The following TLL2 variants were observed in gnomAD, a reference collection of about 807,000 sequenced individuals.
The protein encoded by TLL2 is tolloid-like protein 2.
Under a neutral mutation model 123.0 loss-of-function variants are expected in TLL2, and 106 were observed. That is an observed-to-expected ratio of 0.86 (90% CI 0.74 to 1.01). The LOEUF is 1.01. Ranked by LOEUF, TLL2 falls within the 50% of genes least tolerant of loss-of-function variation. TLL2 has a pLI of 0.00. For synonymous variants in TLL2, 494 were observed against 516.8 expected (o/e 0.96, Z 0.60); for missense variants, 1,332 against 1,336.7 (o/e 1.00, Z 0.06).
rs527333345 is a variant in TLL2, at chr10:96,407,889, G to C, written c.1164+2470C>G. Among the ~76,000 whole-genome samples, 63 of 152,360 alleles carry C rather than the reference G, an allele frequency of 4.1e-4. 2 individuals carry two copies. In the South Asian group the frequency reaches 0.013, roughly 31 times the overall value. On this transcript the variant is annotated intron_variant, in intron 9 of 20. Coordinates refer to ENST00000357947, the MANE Select transcript of TLL2 (RefSeq NM_012465.4). ...TGTGCGCACACGTGTGTGCGTGTGT[G>C]TGCATGTGTGTGCGCACGCTGTCAC...
At chr10:96,477,112 G>A (rs1847266611) in intron 2 of TLL2, among the ~76,000 whole-genome samples, 1 of 137,264 alleles carries the variant, frequency 7.3e-6, no homozygotes, top group Admixed American at 8.1e-5. Context: ...CCATTCTGAC[G>A]ATAAAATAAC....
At position 96,365,700 on chromosome 10, in the gene TLL2, T is replaced by G. The variant is rs545027834; in HGVS notation, c.*2388A>C. On this transcript the variant is annotated 3_prime_UTR_variant, in exon 21 of 21. Coordinates refer to ENST00000357947, the MANE Select transcript of TLL2 (RefSeq NM_012465.4). ...TCTCTCTAGTGAAGCCAGCCTCTAG[T>G]TTCTTTGCAAGAACCTGTGTCATGC... The G allele has an allele frequency of 2.0e-5, 3 of 152,362 alleles. No individual in the cohort carries two copies. Among genetic ancestry groups the G allele is most frequent in the African/African-American group, 7.2e-5 (3 of 41,596 alleles). The allele number at this position is 152,362 out of a possible 1,614,324, so 9.4% of individuals were successfully genotyped here.
intron 7 of TLL2, among the ~76,000 whole-genome samples, chr10:96,420,221 C>G (rs74151327): frequency 0.012 from 1,771 of 152,280 alleles, 36 homozygotes; most frequent in African/African-American, 0.04. Context: ...TAACTCAACG[C>G]TAGAAAGAAC....
Position 96,395,893 on chromosome 10 carries a change from A to G in TLL2, c.1512T>C (p.Leu504=). The change falls in exon 12 of 21, where the codon CTT becomes CTC. Residue 504 remains leucine, a synonymous_variant. Transcript: ENST00000357947. ...CACTCACCTCAAAAGCTTGGAAGGTAAGTCCCACGTGAAACCCCTCTGAAA... is the reference window on the plus strand; with the variant it reads ...CACTCACCTCAAAAGCTTGGAAGGTGAGTCCCACGTGAAACCCCTCTGAAA... ...ITVSEGFHVG[L]TFQAFEIERH... is the part of the protein sequence containing the mutation. The G allele has an allele frequency of 6.8e-6, 11 of 1,614,222 alleles. No homozygotes were observed. Among genetic ancestry groups the G allele is most frequent in the Non-Finnish European group, 9.3e-6 (11 of 1,180,036 alleles).
chr10:96,386,193 G>A lies in TLL2; in HGVS notation c.1875C>T (p.Thr625=). The change falls in exon 15 of 21, where the codon ACC becomes ACT. Residue 625 remains threonine (T), a synonymous_variant. Coordinates refer to ENST00000357947, the MANE Select transcript of TLL2 (RefSeq NM_012465.4). ...GGCTGGTGATGGTTCCATTCAGCTT[G>A]GTAATGAAACCGCCACAGGCCACTG... ...MCEVACGGFI[T]KLNGTITSPG... The A allele has an allele frequency of 6.2e-7, 1 of 1,600,720 alleles. No homozygotes were observed. Among genetic ancestry groups the A allele is most frequent in the African/African-American group, 1.3e-5 (1 of 74,476 alleles).
chr10:96,503,651 C>T (rs1328725131), intron 1 of TLL2, among the ~76,000 whole-genome samples: 2 of 152,290 alleles, frequency 1.3e-5, no homozygotes, highest in East Asian at 1.9e-4. Flanking sequence ...GACCTGATAC[C>T]CATGCACTGA....
intron 2 of TLL2, among the ~76,000 whole-genome samples, chr10:96,478,214 A>G (rs1439023457): frequency 6.6e-6 from 1 of 152,122 alleles, no homozygotes; most frequent in African/African-American, 2.4e-5. Context: ...CCATCTGCCA[A>G]CCTTGGGCCC....
At chr10:96,482,836 TA>T (rs1847324013) in intron 1 of TLL2, among the ~76,000 whole-genome samples, 1 of 152,146 alleles carries the variant, frequency 6.6e-6, no homozygotes, top group Admixed American at 6.5e-5. Flanking sequence ...AGATGTCTGT[TA>T]AAGAAAAAAA....
chr10:96,486,449 T>C (rs1261642786), intron 1 of TLL2, among the ~76,000 whole-genome samples: 1 of 152,222 alleles, frequency 6.6e-6, no homozygotes, highest in African/African-American at 2.4e-5. Flanking sequence ...TTTCCCTTAA[T>C]AGAAATTCCT....
At chr10:96,398,013 G>A (rs1846357825) in intron 10 of TLL2, among the ~76,000 whole-genome samples, 1 of 152,172 alleles carries the variant, frequency 6.6e-6, no homozygotes. Context: ...CAGAGTGGCA[G>A]CAAGACCCTG....
At chr10:96,467,176 T>C (rs11188774) in intron 2 of TLL2, among the ~76,000 whole-genome samples, 24,480 of 152,146 alleles carry the variant, frequency 0.16, 2,347 homozygotes, top group East Asian at 0.29. Context: ...ATGCTAAGTT[T>C]AAAAATTTAG....
At chr10:96,495,359 T>C (rs1847461114) in intron 1 of TLL2, among the ~76,000 whole-genome samples, 1 of 152,146 alleles carries the variant, frequency 6.6e-6, no homozygotes, top group South Asian at 2.1e-4. Context: ...CTGTGAATCT[T>C]TGTCAAGGGA....
chr10:96,432,155 G>C (rs1846749570), intron 4 of TLL2, among the ~76,000 whole-genome samples: 1 of 152,192 alleles, frequency 6.6e-6, no homozygotes, highest in Non-Finnish European at 1.5e-5. Context: ...ATTAATATCA[G>C]ATACATACTA....
intron 8 of TLL2, among the ~76,000 whole-genome samples, chr10:96,411,204 T>C (rs1325857209): frequency 7.8e-6 from 1 of 127,464 alleles, no homozygotes; most frequent in Non-Finnish European, 1.6e-5. Context: ...TGAGCCAAGA[T>C]TGCACTACTG....
At chr10:96,386,339 G>GA in intron 14 of TLL2, 124 bp from the exon 15 acceptor site, 1 of 998,770 alleles carries the variant, frequency 1.0e-6, no homozygotes, top group Non-Finnish European at 1.4e-6. Context: ...AATTTGAACT[G>GA]ATTAATTCAG....
chr10:96,428,755 C>G lies in TLL2; in HGVS notation c.521-7G>C. ...AAAATGGCCCTCTGGCTCCCTGAAACAACAGGGCAAGCACTCGACTTCAAT... is the reference window on the plus strand; with the variant it reads ...AAAATGGCCCTCTGGCTCCCTGAAAGAACAGGGCAAGCACTCGACTTCAAT... On this transcript the variant is annotated splice_polypyrimidine_tract_variant and splice_region_variant and intron_variant, in intron 4 of 20. Transcript: ENST00000357947. 6.3e-7 allele frequency: 1 copy of G among 1,580,964 alleles called. No homozygotes were observed. The highest frequency in any genetic ancestry group is 8.7e-7 in the Non-Finnish European group (1 of 1,151,678).
intron 11 of TLL2, among the ~76,000 whole-genome samples, chr10:96,396,555 G>A (rs1483866260): frequency 6.8e-6 from 1 of 147,318 alleles, no homozygotes; most frequent in Non-Finnish European, 1.5e-5. Context: ...AGGACCCTTG[G>A]TAATTTTCTG....
chr10:96,380,585 C>G (rs561543540), intron 16 of TLL2, among the ~76,000 whole-genome samples: 1 of 149,536 alleles, frequency 6.7e-6, no homozygotes, highest in Non-Finnish European at 1.5e-5. Context: ...CCCAGCTACT[C>G]GGGAGGCTGA....
chr10:96,460,511 G>C (rs1847070764), intron 2 of TLL2, among the ~76,000 whole-genome samples: 1 of 152,168 alleles, frequency 6.6e-6, no homozygotes. Context: ...GAGGGGCCTG[G>C]TGGGGTGTGA....
Sources: allele counts gnomAD v4.1 joint callset (sites outside exome capture counted in the v4.1 genomes callset), GRCh38; gene constraint gnomAD v4.1.1; transcripts MANE v1.5; gene names NCBI Gene and HGNC (gene_info 2026-07-23, HGNC 2026-07-21).